Variants in SEC14L1 observed in about 807,000 individuals in gnomAD.
The protein encoded by SEC14L1 is SEC14 like lipid binding 1, also known as SEC14-like protein 1.
A neutral mutation model predicts 85.3 loss-of-function variants in SEC14L1; 48 were observed. The ratio of observed to expected loss-of-function variants is 0.56; its 90% CI spans 0.45 to 0.72. The LOEUF (loss-of-function observed/expected upper bound fraction) is 0.72, where lower values mean the gene tolerates loss of function less well. Ranked by LOEUF, SEC14L1 falls within the 30% of genes least tolerant of loss-of-function variation. The pLI is 0.00. For synonymous variants in SEC14L1, 391 were observed against 355.5 expected (o/e 1.10, Z -1.12); for missense variants, 682 against 921.4 (o/e 0.74, Z 3.36).
upstream of SEC14L1, among the ~76,000 whole-genome samples, chr17:77,138,424 G>A (rs567951982): frequency 2.8e-4 from 43 of 152,016 alleles, no homozygotes; most frequent in African/African-American, 8.4e-4. Flanking sequence ...GTTTGAGACC[G>A]GCCTGACCAA....
At chr17:77,190,305 A>G (rs1175403411) in intron 3 of SEC14L1, among the ~76,000 whole-genome samples, 1 of 152,204 alleles carries the variant, frequency 6.6e-6, no homozygotes, top group Non-Finnish European at 1.5e-5. Flanking sequence ...ACTAAAAAAT[A>G]AATCAGTTGG....
chr17:77,177,384 A>G (rs936096325), intron 3 of SEC14L1, among the ~76,000 whole-genome samples: 2 of 147,168 alleles, frequency 1.4e-5, no homozygotes, highest in African/African-American at 5.1e-5. Flanking sequence ...ACAATTGATC[A>G]GGCATACTAG....
intron 3 of SEC14L1, among the ~76,000 whole-genome samples, chr17:77,171,310 CTTCTGAGCT>C (rs1349310952): frequency 6.6e-6 from 1 of 152,132 alleles, no homozygotes; most frequent in Non-Finnish European, 1.5e-5. Context: ...ATTCGTTTTT[CTTCTGAGCT>C]TTCTTTGGCT....
chr17:77,135,632 G>A (rs28375988), intron 3 of SEC14L1, among the ~76,000 whole-genome samples: 3,894 of 151,994 alleles, frequency 0.026, 74 homozygotes, highest in East Asian at 0.09. Flanking sequence ...AACCTCCTGG[G>A]TTCAAGTGAT....
chr17:77,199,881 G>A (rs1976036216), intron 8 of SEC14L1, among the ~76,000 whole-genome samples: 1 of 152,210 alleles, frequency 6.6e-6, no homozygotes, highest in African/African-American at 2.4e-5. Flanking sequence ...AGAAGTGGGA[G>A]TTTCAGGCCA....
At chr17:77,131,073 C>T (rs781417748) in intron 3 of SEC14L1, among the ~76,000 whole-genome samples, 13 of 152,288 alleles carry the variant, frequency 8.5e-5, no homozygotes, top group Admixed American at 7.2e-4. Context: ...CATTCTTCTA[C>T]GGACAGTCTA....
intron 7 of SEC14L1, among the ~76,000 whole-genome samples, chr17:77,195,345 G>A (rs1330895058): frequency 2.0e-5 from 3 of 151,162 alleles, no homozygotes; most frequent in Non-Finnish European, 4.4e-5. Context: ...TTGAGATAGA[G>A]TATTGCTCTG....
upstream of SEC14L1, among the ~76,000 whole-genome samples, chr17:77,136,676 A>G (rs1032079842): frequency 3.3e-5 from 5 of 152,174 alleles, no homozygotes; most frequent in African/African-American, 1.2e-4. Flanking sequence ...GTACATGCAT[A>G]TCATTTCCAA....
At chr17:77,174,496 T>C (rs141897392) in intron 3 of SEC14L1, among the ~76,000 whole-genome samples, 414 of 152,354 alleles carry the variant, frequency 2.7e-3, no homozygotes, top group African/African-American at 9.7e-3. Context: ...AAGGAAATAC[T>C]GCACTGCCAT....
intron 3 of SEC14L1, among the ~76,000 whole-genome samples, chr17:77,189,627 G>T (rs1332912189): frequency 2.9e-5 from 4 of 136,046 alleles, no homozygotes; most frequent in East Asian, 4.9e-4. Flanking sequence ...CTTAACAGGG[G>T]TTTTGTTTTG....
chr17:77,120,481 T>TC (rs1972268476), intron 3 of SEC14L1, among the ~76,000 whole-genome samples: 1 of 150,438 alleles, frequency 6.6e-6, no homozygotes, highest in Admixed American at 6.6e-5. Context: ...CTCTCCACAT[T>TC]CTTTTTTTTT....
Position 77,214,035 on chromosome 17 carries a change from C to T in SEC14L1, c.*12C>T, listed in dbSNP as rs199984617. 1 of 1,610,712 alleles carries T rather than the reference C, an allele frequency of 6.2e-7. No homozygotes were observed. The highest frequency in any genetic ancestry group is 1.3e-5 in the African/African-American group (1 of 74,830). ...TGATCTCCAGGTAGTGCCGCGCTGC[C>T]TGCACCTAGTGTGCAGAGGGGACGG... is the stretch of plus-strand genomic sequence containing the variant. On this transcript the variant is annotated 3_prime_UTR_variant, in exon 17 of 17. Transcript: ENST00000436233.
At position 77,213,747 on chromosome 17, in the gene SEC14L1, G is replaced by A; in HGVS notation, c.2043-171G>A. The A allele has an allele frequency of 1.1e-6, 1 of 934,222 alleles. No individual in the cohort carries two copies. The highest frequency in any genetic ancestry group is 1.7e-6 in the Non-Finnish European group (1 of 594,228). 57.9% of individuals were successfully genotyped at this position (934,222 alleles called of 1,614,324 possible). On this transcript the variant is annotated intron_variant, in intron 16 of 16. Coordinates refer to ENST00000436233, the MANE Select transcript of SEC14L1 (RefSeq NM_001143998.2). This position sits in a 1 kb window ranked among gnomAD's most constrained non-coding sequence, Gnocchi z 7.1. Reference sequence around the variant, plus strand: ...ACTGCCGTCTGCGTGCAGGCTGTGGGAAGCCGGTCCCCCTGGTGGGTTACT... The same window carrying A: ...ACTGCCGTCTGCGTGCAGGCTGTGGAAAGCCGGTCCCCCTGGTGGGTTACT...
intron 3 of SEC14L1, among the ~76,000 whole-genome samples, chr17:77,176,232 G>T (rs1204351370): frequency 6.6e-6 from 1 of 152,096 alleles, no homozygotes; most frequent in Non-Finnish European, 1.5e-5. Flanking sequence ...AGAGGTTGCA[G>T]CGAGCCGAGA....
chr17:77,164,175 C>T (rs151323510), intron 3 of SEC14L1, among the ~76,000 whole-genome samples: 191 of 152,306 alleles, frequency 1.3e-3, no homozygotes, highest in African/African-American at 4.2e-3. Flanking sequence ...CTGCTGACAG[C>T]GGTGTGGGCT....
chr17:77,192,187 A>C (rs1253567154), intron 5 of SEC14L1, among the ~76,000 whole-genome samples: 2 of 152,210 alleles, frequency 1.3e-5, no homozygotes, highest in Non-Finnish European at 2.9e-5. Flanking sequence ...GCCTTTAAGA[A>C]TAGTGCCGAG....
chr17:77,146,922 A>T (rs1318573275), intron 3 of SEC14L1, among the ~76,000 whole-genome samples: 1 of 152,204 alleles, frequency 6.6e-6, no homozygotes, highest in African/African-American at 2.4e-5. Context: ...GTCATTGAGG[A>T]AAACTAACAG....
chr17:77,144,967 A>G (rs550702591), intron 3 of SEC14L1: 1 of 151,996 alleles, frequency 6.6e-6, no homozygotes, highest in East Asian at 1.9e-4. Flanking sequence ...GCTGGAGTGC[A>G]GTGACGCGAT....
chr17:77,099,368 C>T (rs1181297201), intron 3 of SEC14L1, among the ~76,000 whole-genome samples: 1 of 152,166 alleles, frequency 6.6e-6, no homozygotes, highest in African/African-American at 2.4e-5. Context: ...AAATTTCTGA[C>T]ATGAGCCTAT....
Sources: gnomAD v4.1 joint callset for allele counts (sites outside exome capture counted in the v4.1 genomes callset) on GRCh38, gnomAD v4.1.1 for gene constraint, Gnocchi (gnomAD v3.1) non-coding constraint, MANE v1.5 for transcripts, NCBI Gene and HGNC (gene_info 2026-07-23, HGNC 2026-07-21) for gene names.